STK32B: variants seen among roughly 807,000 people sequenced by gnomAD.
The protein encoded by STK32B is serine/threonine-protein kinase 32B.
STK32B carries 43 observed loss-of-function variants against 52.6 expected under a neutral mutation model. The ratio of observed to expected loss-of-function variants is 0.82; its 90% CI spans 0.64 to 1.05. STK32B has a LOEUF of 1.05. STK32B is among the 50% of genes least tolerant of loss of function. STK32B has a pLI of 0.00. For missense variants in STK32B, 621 were observed against 534.6 expected, an observed-to-expected ratio of 1.16 and a Z score of -1.59; for synonymous variants, 238 against 204.3, an observed-to-expected ratio of 1.17 and a Z score of -1.41.
chr4:5,332,897 G>C (rs1287483155), intron 4 of STK32B, among the ~76,000 whole-genome samples: 3 of 152,114 alleles, frequency 2.0e-5, no homozygotes, highest in African/African-American at 7.2e-5. Context: ...GTTTATCATT[G>C]TTGGACATTT....
At chr4:5,224,327 A>G (rs1202874063) in intron 3 of STK32B, among the ~76,000 whole-genome samples, 1 of 152,218 alleles carries the variant, frequency 6.6e-6, no homozygotes, top group Non-Finnish European at 1.5e-5. Flanking sequence ...CTCCCAATGC[A>G]CTTAGCTCCA....
At chr4:5,343,917 T>C (rs1733273680) in intron 4 of STK32B, among the ~76,000 whole-genome samples, 1 of 152,232 alleles carries the variant, frequency 6.6e-6, no homozygotes, top group Non-Finnish European at 1.5e-5. Flanking sequence ...CTCTTAAGTT[T>C]TGCATTCTAC....
At chr4:5,182,546 C>T (rs906451201) in intron 3 of STK32B, among the ~76,000 whole-genome samples, 8 of 152,006 alleles carry the variant, frequency 5.3e-5, no homozygotes, top group Non-Finnish European at 1.2e-4. Context: ...ACTGCAACCT[C>T]TGCCTCCCGG....
At chr4:5,472,206 A>G (rs1203780149) in intron 11 of STK32B, among the ~76,000 whole-genome samples, 2 of 152,234 alleles carry the variant, frequency 1.3e-5, no homozygotes, top group Non-Finnish European at 2.9e-5. Context: ...GTGAGTCTTC[A>G]GGACTCGTGT....
intron 3 of STK32B, among the ~76,000 whole-genome samples, chr4:5,185,252 C>G (rs954259044): frequency 6.6e-6 from 1 of 152,164 alleles, no homozygotes; most frequent in Non-Finnish European, 1.5e-5. Flanking sequence ...AGGCATCTGT[C>G]CCTGTCTATT....
In STK32B at chr4:5,394,122, G is replaced by T. The variant is rs1479941983; in HGVS notation, c.435-4085G>T. ...TGCAGTCTGTGCATGGGTACCTCTG[G>T]ATCAGAGCCATTTCTATGCTGTTTT... On this transcript the variant is annotated intron_variant, in intron 4 of 11. Coordinates refer to ENST00000282908, the MANE Select transcript of STK32B (RefSeq NM_018401.3). The surrounding 1 kb of genome is among the most constrained non-coding windows in gnomAD (Gnocchi z 4.2). Among the ~76,000 whole-genome samples the T allele has an allele frequency of 2.0e-5, 3 of 152,118 alleles. No homozygotes were observed. Among genetic ancestry groups the T allele is most frequent in the Non-Finnish European group, 4.4e-5 (3 of 68,028 alleles).
At chr4:5,277,615 G>A (rs548574628) in intron 3 of STK32B, among the ~76,000 whole-genome samples, 15 of 152,170 alleles carry the variant, frequency 9.9e-5, no homozygotes, top group Non-Finnish European at 1.8e-4. Flanking sequence ...AAAATTAATA[G>A]GATGTGTTTT....
intron 3 of STK32B, among the ~76,000 whole-genome samples, chr4:5,170,683 C>A (rs1174405486): frequency 5.3e-5 from 8 of 152,102 alleles, no homozygotes; most frequent in Admixed American, 3.3e-4. Flanking sequence ...TGTATATGTG[C>A]CACATTTTCT....
intron 11 of STK32B, among the ~76,000 whole-genome samples, chr4:5,497,154 CTT>C (rs144618887): frequency 5.3e-5 from 8 of 152,282 alleles, no homozygotes; most frequent in African/African-American, 1.9e-4. Flanking sequence ...AACGCAGACT[CTT>C]TAAATAATCC....
intron 3 of STK32B, among the ~76,000 whole-genome samples, chr4:5,265,231 C>T (rs1216777800): frequency 6.6e-6 from 1 of 152,198 alleles, no homozygotes; most frequent in African/African-American, 2.4e-5. Flanking sequence ...AAAACACCCA[C>T]CTCAGAATTA....
intron 2 of STK32B, among the ~76,000 whole-genome samples, chr4:5,155,521 T>C (rs2108712270): frequency 6.6e-6 from 1 of 152,252 alleles, no homozygotes; most frequent in East Asian, 1.9e-4. Flanking sequence ...GCATATACAT[T>C]AGGCATACCC....
chr4:5,424,562 G>A (rs1712924003), intron 6 of STK32B, among the ~76,000 whole-genome samples: 1 of 152,220 alleles, frequency 6.6e-6, no homozygotes, highest in African/African-American at 2.4e-5. Flanking sequence ...CCTGCTGTGG[G>A]TCTCCACCCA....
chr4:5,494,400 C>A (rs1720026182), intron 11 of STK32B, among the ~76,000 whole-genome samples: 1 of 151,222 alleles, frequency 6.6e-6, no homozygotes, highest in East Asian at 1.9e-4. Flanking sequence ...ATTGCAACCC[C>A]TGCCTTTTTT....
intron 3 of STK32B, among the ~76,000 whole-genome samples, chr4:5,177,038 T>C (rs927427584): frequency 3.9e-5 from 6 of 152,172 alleles, no homozygotes; most frequent in African/African-American, 1.4e-4. Context: ...AAAGAAGACA[T>C]GAAAGTATAT....
chr4:5,331,963 A>G (rs1384846122), intron 4 of STK32B, among the ~76,000 whole-genome samples: 1 of 152,164 alleles, frequency 6.6e-6, no homozygotes, highest in Non-Finnish European at 1.5e-5. Flanking sequence ...ACTCAATGAG[A>G]GGCTTTGGAA....
intron 11 of STK32B, among the ~76,000 whole-genome samples, chr4:5,475,833 G>A (rs1718196883): frequency 6.6e-6 from 1 of 151,400 alleles, no homozygotes; most frequent in Non-Finnish European, 1.5e-5. Context: ...ACTGTGCTTG[G>A]TTGGCATTTT....
At chr4:5,485,760 G>T (rs181198961) in intron 11 of STK32B, among the ~76,000 whole-genome samples, 1,643 of 152,234 alleles carry the variant, frequency 0.011, 28 homozygotes, top group African/African-American at 0.036. Context: ...TACAGATGGG[G>T]TTTTGGTGTG....
chr4:5,481,251 C>A (rs1718679163), intron 11 of STK32B, among the ~76,000 whole-genome samples: 1 of 152,138 alleles, frequency 6.6e-6, no homozygotes, highest in Non-Finnish European at 1.5e-5. Flanking sequence ...TCTGTTGTTT[C>A]CTGACTTTTT....
intron 3 of STK32B, among the ~76,000 whole-genome samples, chr4:5,175,205 AT>A (rs202030883): frequency 0.034 from 5,158 of 149,840 alleles, 140 homozygotes; most frequent in South Asian, 0.098. Context: ...CATTCGTCTA[AT>A]TTTTTTTTTC....
Sources: allele counts gnomAD v4.1 joint callset (sites outside exome capture counted in the v4.1 genomes callset), GRCh38; gene constraint gnomAD v4.1.1; non-coding constraint Gnocchi (gnomAD v3.1); transcripts MANE v1.5; gene names NCBI Gene and HGNC (gene_info 2026-07-23, HGNC 2026-07-21).